Variants in ATP9B observed in about 807,000 individuals in gnomAD.
The protein encoded by ATP9B is probable phospholipid-transporting ATPase IIB.
ATP9B carries 110 observed loss-of-function variants against 146.1 expected under a neutral mutation model. The observed-to-expected ratio is 0.75, with a 90% CI of 0.65 to 0.88. The LOEUF (loss-of-function observed/expected upper bound fraction) is 0.88, where lower values mean the gene tolerates loss of function less well. Among genes scored for constraint, ATP9B ranks in the 40% least tolerant of loss-of-function variants. The probability of loss-of-function intolerance (pLI) is 0.00; values close to 1 mark genes in which losing one functional copy is unlikely to be tolerated. For synonymous variants in ATP9B, 604 were observed against 569.7 expected, an observed-to-expected ratio of 1.06 and a Z score of -0.86; for missense variants, 1,499 against 1,496.4, an observed-to-expected ratio of 1.00 and a Z score of -0.03.
In ATP9B at chr18:79,206,933, A is replaced by G; in HGVS notation, c.955-4A>G. 18 of 1,613,434 alleles carry G rather than the reference A, an allele frequency of 1.1e-5. No homozygotes were observed. The highest frequency in any genetic ancestry group is 1.4e-5 in the Non-Finnish European group (17 of 1,179,484). On this transcript the variant is annotated splice_polypyrimidine_tract_variant and splice_region_variant and intron_variant, in intron 9 of 29. Coordinates refer to ENST00000426216, the MANE Select transcript of ATP9B (RefSeq NM_198531.5). ...TTTTGTTTTCTTTTTGTCTCCCTGC[A>G]CAGGAAGACAGTGACCCGCCCATTC...
chr18:79,098,925 T>A (rs2075037132), intron 2 of ATP9B, among the ~76,000 whole-genome samples: 1 of 152,222 alleles, frequency 6.6e-6, no homozygotes, highest in Non-Finnish European at 1.5e-5. Flanking sequence ...CATTCTGTTT[T>A]GTTTGTGTTT....
At chr18:79,167,433 G>T (rs1239929752) in intron 7 of ATP9B, among the ~76,000 whole-genome samples, 2 of 152,142 alleles carry the variant, frequency 1.3e-5, no homozygotes, top group Non-Finnish European at 2.9e-5. Context: ...CCCGGAGTAG[G>T]TAGCTCCTAT....
chr18:79,298,414 G>A (rs968045205), intron 13 of ATP9B, among the ~76,000 whole-genome samples: 3 of 145,782 alleles, frequency 2.1e-5, no homozygotes, highest in Non-Finnish European at 3.0e-5. Context: ...AAAATGAGTG[G>A]GCCTTGTGGG....
intron 20 of ATP9B, among the ~76,000 whole-genome samples, chr18:79,342,732 G>A (rs2096866279): frequency 6.6e-6 from 1 of 151,976 alleles, no homozygotes; most frequent in African/African-American, 2.4e-5. Context: ...TATACTATTA[G>A]TATTATTTGC....
chr18:79,103,052 C>CGCA (rs1479172998), intron 2 of ATP9B, among the ~76,000 whole-genome samples: 3 of 152,124 alleles, frequency 2.0e-5, no homozygotes, highest in Non-Finnish European at 4.4e-5. Context: ...ACAGTCATGC[C>CGCA]ATCTGCAGAT....
chr18:79,351,980 A>G (rs2096924712), intron 25 of ATP9B, among the ~76,000 whole-genome samples: 1 of 152,062 alleles, frequency 6.6e-6, no homozygotes, highest in Admixed American at 6.5e-5. Context: ...CCAAGTCCTC[A>G]TGGGGAACCT....
At chr18:79,237,321 C>T (rs2095850781) in intron 11 of ATP9B, among the ~76,000 whole-genome samples, 1 of 142,434 alleles carries the variant, frequency 7.0e-6, no homozygotes, top group African/African-American at 2.6e-5. Flanking sequence ...GTGTCCACTC[C>T]TGCTCCTTCC....
chr18:79,372,667 A>G (rs1211840612), intron 26 of ATP9B, 158 bp from the exon 27 acceptor site: 6 of 692,360 alleles, frequency 8.7e-6, no homozygotes, highest in East Asian at 8.4e-5. Context: ...GGTGTCAGGA[A>G]AAGGCGCCCG....
At chr18:79,372,543 A>T (rs1382707941) in intron 26 of ATP9B, 1 of 591,966 alleles carries the variant, frequency 1.7e-6, no homozygotes, top group African/African-American at 1.8e-5. Flanking sequence ...TGTATACATC[A>T]CTCCTGGCTT....
At chr18:79,209,569 G>GTGGGCCC in intron 10 of ATP9B, 1 of 773,142 alleles carries the variant, frequency 1.3e-6, no homozygotes, top group Non-Finnish European at 1.6e-6. Context: ...ACCTTGGCAA[G>GTGGGCCC]TGGGCCCGAC....
intron 27 of ATP9B, among the ~76,000 whole-genome samples, chr18:79,373,511 A>T (rs1219024310): frequency 3.7e-5 from 5 of 133,954 alleles, no homozygotes; most frequent in African/African-American, 1.3e-4. Flanking sequence ...TTTTTTTTAG[A>T]CAGAGTCTCG....
intron 5 of ATP9B, among the ~76,000 whole-genome samples, chr18:79,129,127 C>T: frequency 6.6e-6 from 1 of 152,118 alleles, no homozygotes; most frequent in Non-Finnish European, 1.5e-5. Flanking sequence ...AAATGTAGCG[C>T]CATTTCTCAA....
chr18:79,213,999 G>C lies in ATP9B; in HGVS notation c.1068G>C (p.Glu356Asp), dbSNP rs1381433302. 2 of 1,606,700 alleles carry C rather than the reference G, an allele frequency of 1.2e-6. No individual in the cohort carries two copies. Among genetic ancestry groups the C allele is most frequent in the Non-Finnish European group, 1.7e-6 (2 of 1,177,780 alleles). Residue 356 changes from glutamate to aspartate, a missense_variant, in exon 11 of 30, where the codon GAG (glutamate) becomes GAC (aspartate). Transcript: ENST00000426216. Reference sequence around the variant, plus strand: ...GTGTTGTCATTTATACCGGAAAAGAGACTCGAAGTGTAATGAACACATCCA... The same window carrying C: ...GTGTTGTCATTTATACCGGAAAAGACACTCGAAGTGTAATGAACACATCCA... ...VIGVVIYTGK[E>D]TRSVMNTSNP...
chr18:79,109,006 GA>G (rs779209535), intron 2 of ATP9B, among the ~76,000 whole-genome samples: 11 of 152,244 alleles, frequency 7.2e-5, no homozygotes, highest in Non-Finnish European at 1.6e-4. Flanking sequence ...CAGCATGGGA[GA>G]CAGCAATTCT....
At chr18:79,251,034 A>G (rs1344374037) in intron 11 of ATP9B, among the ~76,000 whole-genome samples, 1 of 152,228 alleles carries the variant, frequency 6.6e-6, no homozygotes, top group Non-Finnish European at 1.5e-5. Context: ...GTGTTGCTGT[A>G]TTGCAACATG....
chr18:79,295,674 T>C (rs1408513450), intron 13 of ATP9B, among the ~76,000 whole-genome samples: 1 of 152,270 alleles, frequency 6.6e-6, no homozygotes, highest in Non-Finnish European at 1.5e-5. Flanking sequence ...GGCCTGAATG[T>C]TCATCTCTCT....
intron 12 of ATP9B, among the ~76,000 whole-genome samples, chr18:79,275,187 C>T (rs1599499629): frequency 1.3e-5 from 2 of 152,364 alleles, no homozygotes; most frequent in African/African-American, 2.4e-5. Context: ...CCATGAATAG[C>T]GTAATAGGAA....
At chr18:79,149,336 A>C (rs1446913612) in intron 6 of ATP9B, among the ~76,000 whole-genome samples, 1 of 152,230 alleles carries the variant, frequency 6.6e-6, no homozygotes, top group Non-Finnish European at 1.5e-5. Context: ...ACAAAACATT[A>C]TAGAGAAACC....
chr18:79,258,429 C>T (rs1037503023), intron 12 of ATP9B, among the ~76,000 whole-genome samples: 1 of 151,956 alleles, frequency 6.6e-6, no homozygotes. Flanking sequence ...GAGCCTCTCT[C>T]GAAAGAAAAA....
Sources: allele counts gnomAD v4.1 joint callset (sites outside exome capture counted in the v4.1 genomes callset), GRCh38; gene constraint gnomAD v4.1.1; transcripts MANE v1.5; gene names NCBI Gene and HGNC (gene_info 2026-07-23, HGNC 2026-07-21).